GAS2: variants seen among roughly 807,000 people sequenced by gnomAD.
GAS2 encodes the protein growth arrest-specific protein 2.
Under a neutral mutation model 37.5 loss-of-function variants are expected in GAS2, and 20 were observed. The observed-to-expected ratio is 0.53, with a 90% confidence interval of 0.37 to 0.77. The LOEUF is 0.77. Among genes scored for constraint, GAS2 ranks in the 30% least tolerant of loss-of-function variants. The pLI, the probability that GAS2 is intolerant of heterozygous loss-of-function variation, is 0.00. For synonymous variants in GAS2, 144 were observed against 132.2 expected, an observed-to-expected ratio of 1.09 and a Z score of -0.61; for missense variants, 336 against 373.4, an observed-to-expected ratio of 0.90 and a Z score of 0.82.
chr11:22,697,783 T>C (rs545935076), intron 3 of GAS2, among the ~76,000 whole-genome samples: 1 of 152,304 alleles, frequency 6.6e-6, no homozygotes, highest in Non-Finnish European at 1.5e-5. Context: ...GTGATTTTTG[T>C]ACATTGATTT....
intron 4 of GAS2, among the ~76,000 whole-genome samples, chr11:22,729,805 A>G (rs1337711570): frequency 6.6e-6 from 1 of 150,766 alleles, no homozygotes; most frequent in African/African-American, 2.4e-5. Context: ...AGAAAATTAT[A>G]TAGTTAGTAT....
chr11:22,771,321 G>C (rs921652019), intron 7 of GAS2, among the ~76,000 whole-genome samples: 1 of 151,844 alleles, frequency 6.6e-6, no homozygotes, highest in Non-Finnish European at 1.5e-5. Flanking sequence ...ATATCATCTT[G>C]GCCTTTGCTT....
chr11:22,724,092 A>G (rs975113116), intron 3 of GAS2, among the ~76,000 whole-genome samples: 1 of 151,978 alleles, frequency 6.6e-6, no homozygotes, highest in Non-Finnish European at 1.5e-5. Flanking sequence ...AAATATTTAT[A>G]TATGTATCAC....
chr11:22,641,274 A>C (rs1442135502), intron 1 of GAS2, among the ~76,000 whole-genome samples: 3 of 136,432 alleles, frequency 2.2e-5, no homozygotes, highest in Non-Finnish European at 4.6e-5. Flanking sequence ...ATATATCTTT[A>C]TATATATCTA....
chr11:22,776,308 G>A (rs748616467), intron 7 of GAS2, among the ~76,000 whole-genome samples: 1 of 151,902 alleles, frequency 6.6e-6, no homozygotes, highest in Non-Finnish European at 1.5e-5. Context: ...TTTTAGCAAT[G>A]AATTTGCGTG....
intron 1 of GAS2, among the ~76,000 whole-genome samples, chr11:22,655,544 A>G (rs987109074): frequency 6.6e-6 from 1 of 152,238 alleles, no homozygotes; most frequent in African/African-American, 2.4e-5. Context: ...CAGAACAAAA[A>G]CAAACATCAC....
chr11:22,674,991 C>A lies in GAS2; in HGVS notation c.122C>A (p.Ala41Asp), dbSNP rs1299031365. The change falls in exon 2 of 8, where the codon GCC becomes GAC. Residue 41 changes from alanine (A) to aspartate (D), a missense_variant. Ala to Asp is a moderately radical substitution (Grantham distance 126, BLOSUM62 -2). Transcript: ENST00000454584. Reference protein sequence around the residue: ...ANLLPMKEDLALWLTNLLGKE... With the variant: ...ANLLPMKEDLDLWLTNLLGKE... ...TTGCTACCAATGAAAGAAGATCTGG[C>A]CTTGTGGTTAACCAATCTATTAGGT... is the stretch of plus-strand genomic sequence containing the variant. The A allele has an allele frequency of 5.0e-6, 8 of 1,613,650 alleles. No homozygotes were observed.
At chr11:22,769,289 C>G (rs1854853468) in intron 7 of GAS2, among the ~76,000 whole-genome samples, 1 of 152,182 alleles carries the variant, frequency 6.6e-6, no homozygotes, top group South Asian at 2.1e-4. Flanking sequence ...CAGGTAGGGG[C>G]ATGCATTCCA....
At chr11:22,667,441 C>T (rs1849028575) in intron 1 of GAS2, among the ~76,000 whole-genome samples, 2 of 152,148 alleles carry the variant, frequency 1.3e-5, no homozygotes, top group Admixed American at 6.5e-5. Flanking sequence ...TGGGGTGATA[C>T]TCACTGTGTC....
intron 5 of GAS2, among the ~76,000 whole-genome samples, chr11:22,746,210 C>G (rs186361468): frequency 2.2e-4 from 34 of 151,902 alleles, no homozygotes. Flanking sequence ...AAACAAAAAA[C>G]CCATCAGTTA....
intron 1 of GAS2, among the ~76,000 whole-genome samples, chr11:22,631,849 T>A (rs995266818): frequency 2.0e-5 from 3 of 152,080 alleles, no homozygotes; most frequent in Non-Finnish European, 4.4e-5. Flanking sequence ...TAGGGAGGAT[T>A]CCCTCTTTCT....
At chr11:22,760,614 T>A (rs1299766453) in intron 7 of GAS2, among the ~76,000 whole-genome samples, 1 of 152,198 alleles carries the variant, frequency 6.6e-6, no homozygotes, top group Non-Finnish European at 1.5e-5. Flanking sequence ...TGGAAGGAAA[T>A]GCTTAAGACG....
chr11:22,685,595 G>T (rs1198458960), intron 2 of GAS2, 73 bp from the exon 3 acceptor site: 1 of 1,410,636 alleles, frequency 7.1e-7, no homozygotes, highest in Non-Finnish European at 9.7e-7. Context: ...TGATAAAACT[G>T]TGTCAAATAT....
intron 3 of GAS2, among the ~76,000 whole-genome samples, chr11:22,720,978 A>T (rs976682161): frequency 6.6e-6 from 1 of 152,060 alleles, no homozygotes; most frequent in African/African-American, 2.4e-5. Flanking sequence ...ATTACCTTCA[A>T]GGCATTGGTG....
chr11:22,759,362 C>G (rs1854243369), intron 7 of GAS2, among the ~76,000 whole-genome samples: 1 of 152,116 alleles, frequency 6.6e-6, no homozygotes, highest in Non-Finnish European at 1.5e-5. Context: ...TCATATTTCT[C>G]CATTTACAGG....
At chr11:22,801,283 A>G (rs529123692) in intron 7 of GAS2, among the ~76,000 whole-genome samples, 1 of 152,162 alleles carries the variant, frequency 6.6e-6, no homozygotes, top group African/African-American at 2.4e-5. Context: ...GACCTCCCCA[A>G]GACCCACAGG....
intron 1 of GAS2, among the ~76,000 whole-genome samples, chr11:22,673,361 C>G (rs145898985): frequency 7.4e-4 from 113 of 152,270 alleles, no homozygotes; most frequent in African/African-American, 2.6e-3. Context: ...GAATATATTA[C>G]TTATTGGTAA....
intron 3 of GAS2, among the ~76,000 whole-genome samples, chr11:22,706,132 G>C (rs1043295102): frequency 6.6e-6 from 1 of 152,106 alleles, no homozygotes; most frequent in African/African-American, 2.4e-5. Context: ...ATATGCCATT[G>C]AACTATTAAC....
intron 3 of GAS2, among the ~76,000 whole-genome samples, chr11:22,687,057 GCTCGTGA>G (rs1849996010): frequency 6.6e-6 from 1 of 152,108 alleles, no homozygotes; most frequent in Non-Finnish European, 1.5e-5. Flanking sequence ...GGATGTGGTG[GCTCGTGA>G]CTGTAATCTC....
Sources: allele counts gnomAD v4.1 joint callset (sites outside exome capture counted in the v4.1 genomes callset), GRCh38; gene constraint gnomAD v4.1.1; transcripts MANE v1.5; gene names NCBI Gene and HGNC (gene_info 2026-07-23, HGNC 2026-07-21).